The following ST6GALNAC3 variants were observed in gnomAD, a reference collection of about 807,000 sequenced individuals.
The protein encoded by ST6GALNAC3 is ST6 N-acetylgalactosaminide alpha-2,6-sialyltransferase 3, also known as alpha-N-acetylgalactosaminide alpha-2,6-sialyltransferase 3.
Under a neutral mutation model 32.7 loss-of-function variants are expected in ST6GALNAC3, and 25 were observed. The observed-to-expected ratio is 0.76, with a 90% CI of 0.56 to 1.07. The LOEUF (loss-of-function observed/expected upper bound fraction) is 1.07, where lower values mean the gene tolerates loss of function less well. ST6GALNAC3 is among the 50% of genes least tolerant of loss of function. The pLI is 0.00. For synonymous variants in ST6GALNAC3, 129 were observed against 133.1 expected (o/e 0.97, Z 0.21); for missense variants, 355 against 382.4 (o/e 0.93, Z 0.60).
Position 76,547,065 on chromosome 1 carries a change from A to G in ST6GALNAC3, c.624-80387A>G, listed in dbSNP as rs140429826. Among the ~76,000 whole-genome samples the G allele has an allele frequency of 8.9e-4, 136 of 152,392 alleles. No homozygotes were observed. In the Middle Eastern group the frequency reaches 0.02, roughly 23 times the overall value. On this transcript the variant is annotated intron_variant, in intron 3 of 4. Transcript: ENST00000328299. Reference sequence around the variant, plus strand: ...ATCCAAGTCTGTTCTAAAATAGCCAAGAAGAAACTTGCAGAGTAACCATTA... The same window carrying G: ...ATCCAAGTCTGTTCTAAAATAGCCAGGAAGAAACTTGCAGAGTAACCATTA...
intron 2 of ST6GALNAC3, among the ~76,000 whole-genome samples, chr1:76,391,811 A>C (rs1652587365): frequency 6.6e-6 from 1 of 152,222 alleles, no homozygotes; most frequent in African/African-American, 2.4e-5. Context: ...ATGTGGGAGC[A>C]TATGAAATTA....
intron 1 of ST6GALNAC3, among the ~76,000 whole-genome samples, chr1:76,207,829 A>G (rs542224773): frequency 6.6e-6 from 1 of 152,354 alleles, no homozygotes; most frequent in Non-Finnish European, 1.5e-5. Flanking sequence ...TCTTCTCTTC[A>G]GTATTGATTC....
chr1:76,628,601 CTT>C lies in ST6GALNAC3; in HGVS notation c.732-11_732-10del. ...TTCATCTCAATCTTTCTCTCCTTTT[CTT>C]TTTTTTTCTTTTCTAGGACAGAAGG... On this transcript the variant is annotated splice_polypyrimidine_tract_variant and intron_variant, in intron 4 of 4. Coordinates refer to ENST00000328299, the MANE Select transcript of ST6GALNAC3 (RefSeq NM_152996.4). 1.3e-6 allele frequency: 2 copies of C among 1,541,786 alleles called. No homozygotes were observed. The highest frequency in any genetic ancestry group is 8.7e-7 in the Non-Finnish European group (1 of 1,149,002).
intron 1 of ST6GALNAC3, among the ~76,000 whole-genome samples, chr1:76,280,743 A>G (rs751082624): frequency 6.6e-6 from 1 of 152,224 alleles, no homozygotes; most frequent in East Asian, 1.9e-4. Flanking sequence ...CAGATTCGTC[A>G]TTTACTAGCA....
chr1:76,452,726 G>C (rs1371459320), intron 3 of ST6GALNAC3, among the ~76,000 whole-genome samples: 2 of 152,036 alleles, frequency 1.3e-5, no homozygotes, highest in Non-Finnish European at 2.9e-5. Flanking sequence ...CAGAGATATT[G>C]GTCTGTGGTT....
At chr1:76,309,851 A>G (rs552408852) in intron 1 of ST6GALNAC3, 5 of 429,020 alleles carry the variant, frequency 1.2e-5, no homozygotes, top group Admixed American at 4.9e-5. Context: ...TGTGCTCATT[A>G]CTTGGTTCCC....
chr1:76,431,066 G>A (rs1177112514), intron 3 of ST6GALNAC3, among the ~76,000 whole-genome samples: 1 of 152,090 alleles, frequency 6.6e-6, no homozygotes, highest in Non-Finnish European at 1.5e-5. Context: ...GTGATGCAGA[G>A]ATCAGCATCA....
chr1:76,551,532 T>A (rs531632763), intron 3 of ST6GALNAC3, among the ~76,000 whole-genome samples: 1 of 152,306 alleles, frequency 6.6e-6, no homozygotes, highest in Non-Finnish European at 1.5e-5. Flanking sequence ...GTCAATGCCA[T>A]GTTCTTTTTT....
chr1:76,496,135 GT>G (rs1349978400), intron 3 of ST6GALNAC3, among the ~76,000 whole-genome samples: 2 of 152,178 alleles, frequency 1.3e-5, no homozygotes, highest in Non-Finnish European at 2.9e-5. Context: ...GTAGAAAGAT[GT>G]GAAATGGTCC....
chr1:76,458,896 T>A (rs903063985), intron 3 of ST6GALNAC3, among the ~76,000 whole-genome samples: 5 of 143,752 alleles, frequency 3.5e-5, no homozygotes, highest in Admixed American at 6.9e-5. Flanking sequence ...ATAATAAATT[T>A]AAAAAAAAAA....
At chr1:76,074,966 C>A in intron 1 of ST6GALNAC3, 82 bp downstream of exon 1, 1 of 1,509,990 alleles carries the variant, frequency 6.6e-7, no homozygotes, top group Non-Finnish European at 9.0e-7. Context: ...CGCGGTCCCA[C>A]CGCATCCTCA....
In ST6GALNAC3 at chr1:76,547,370, T is replaced by G. The variant is rs557313520; in HGVS notation, c.624-80082T>G. Reference sequence around the variant, plus strand: ...TCAACAATGAAGTTACCTCTTCCCATTCAGACAAATAAAGAACAAAATAGA... The same window carrying G: ...TCAACAATGAAGTTACCTCTTCCCAGTCAGACAAATAAAGAACAAAATAGA... On this transcript the variant is annotated intron_variant, in intron 3 of 4. Coordinates refer to ENST00000328299, the MANE Select transcript of ST6GALNAC3 (RefSeq NM_152996.4). Among the ~76,000 whole-genome samples, 4 of 152,318 alleles carry G rather than the reference T, an allele frequency of 2.6e-5. No individual in the cohort carries two copies. In the East Asian group the frequency reaches 5.8e-4, roughly 22 times the overall value.
intron 3 of ST6GALNAC3, among the ~76,000 whole-genome samples, chr1:76,596,396 A>C (rs958074169): frequency 6.6e-6 from 1 of 152,220 alleles, no homozygotes; most frequent in African/African-American, 2.4e-5. Flanking sequence ...TCTGGCACAT[A>C]GTAGTTGCTC....
intron 1 of ST6GALNAC3, among the ~76,000 whole-genome samples, chr1:76,252,762 G>C (rs1182036522): frequency 6.6e-6 from 1 of 152,104 alleles, no homozygotes; most frequent in Admixed American, 6.6e-5. Context: ...TCTCTTTTCT[G>C]TAATATTAAG....
chr1:76,205,720 C>A (rs867770098), intron 1 of ST6GALNAC3, among the ~76,000 whole-genome samples: 2 of 152,294 alleles, frequency 1.3e-5, no homozygotes, highest in South Asian at 4.1e-4. Context: ...AACCCAAAAG[C>A]ATTTCCACCT....
rs1334092735 is a variant in ST6GALNAC3, at chr1:76,631,104, T to TAGCAGAAGTC, written c.*2298_*2299insAGCAGAAGTC. ...CTCTGATGAAGACTTCTGCAGTATA[T>TAGCAGAAGTC]TGTATCCCTCACTCTATAGCAGAAG... On this transcript the variant is annotated 3_prime_UTR_variant, in exon 5 of 5. Coordinates refer to ENST00000328299, the MANE Select transcript of ST6GALNAC3 (RefSeq NM_152996.4). 13 of 848,976 alleles carry TAGCAGAAGTC rather than the reference T, an allele frequency of 1.5e-5. No homozygotes were observed. The Admixed American group carries it at 5.0e-4, about 33-fold the overall frequency. The allele number at this position is 848,976 out of a possible 1,614,324, so 52.6% of individuals were successfully genotyped here.
rs141706154 is a variant in ST6GALNAC3, at chr1:76,191,375, A to G, written c.18+116491A>G. On this transcript the variant is annotated intron_variant, in intron 1 of 4. Coordinates refer to ENST00000328299, the MANE Select transcript of ST6GALNAC3 (RefSeq NM_152996.4). Reference sequence around the variant, plus strand: ...CTAGGATACTAGGAATTGGGGAGGTATGGGAGGCGAGGAGGATGGGGAGAG... The same window carrying G: ...CTAGGATACTAGGAATTGGGGAGGTGTGGGAGGCGAGGAGGATGGGGAGAG... Among the ~76,000 whole-genome samples the G allele has an allele frequency of 6.6e-5, 10 of 152,248 alleles. No homozygotes were observed. The East Asian group carries it at 1.7e-3, about 26-fold the overall frequency.
At chr1:76,252,166 C>T (rs1287682219) in intron 1 of ST6GALNAC3, among the ~76,000 whole-genome samples, 1 of 152,128 alleles carries the variant, frequency 6.6e-6, no homozygotes, top group African/African-American at 2.4e-5. Flanking sequence ...TGGAGTGGCT[C>T]ATCTGACCCT....
intron 2 of ST6GALNAC3, among the ~76,000 whole-genome samples, chr1:76,324,455 A>G (rs1647028954): frequency 6.6e-6 from 1 of 152,164 alleles, no homozygotes; most frequent in Non-Finnish European, 1.5e-5. Context: ...CCTTGGTATG[A>G]TGTGATGAAA....
Sources: allele counts gnomAD v4.1 joint callset (sites outside exome capture counted in the v4.1 genomes callset), GRCh38; gene constraint gnomAD v4.1.1; transcripts MANE v1.5; gene names NCBI Gene and HGNC (gene_info 2026-07-23, HGNC 2026-07-21).